PDE4B: variants seen among roughly 807,000 people sequenced by gnomAD.
The protein encoded by PDE4B is phosphodiesterase 4B.
Under a neutral mutation model 82.2 loss-of-function variants are expected in PDE4B, and 20 were observed. The observed-to-expected ratio is 0.24, with a 90% CI of 0.17 to 0.35. The LOEUF is 0.35. Among genes scored for constraint, PDE4B ranks in the 10% least tolerant of loss-of-function variants. The probability of loss-of-function intolerance (pLI) is 1.00; values close to 1 mark genes in which losing one functional copy is unlikely to be tolerated. For synonymous variants in PDE4B, 320 were observed against 318.9 expected (o/e 1.00, Z -0.04); for missense variants, 655 against 907.2 (o/e 0.72, Z 3.57).
chr1:66,228,444 G>C (rs931621495), intron 3 of PDE4B, among the ~76,000 whole-genome samples: 21 of 152,070 alleles, frequency 1.4e-4, no homozygotes, highest in Non-Finnish European at 2.9e-4. Flanking sequence ...CTAACACAGT[G>C]AAACCCCATC....
intron 3 of PDE4B, among the ~76,000 whole-genome samples, chr1:66,151,791 C>A (rs1158823052): frequency 6.6e-6 from 1 of 152,168 alleles, no homozygotes; most frequent in African/African-American, 2.4e-5. Context: ...TCCGATCTTC[C>A]AGAGTGCCTG....
Position 65,918,705 on chromosome 1 carries a change from C to T in PDE4B, c.151C>T (p.Gln51Ter), listed in dbSNP as rs1000537151. 1.9e-6 allele frequency: 3 copies of T among 1,612,450 alleles called. No individual in the cohort carries two copies. Among genetic ancestry groups the T allele is most frequent in the South Asian group, 1.1e-5 (1 of 91,052 alleles). Residue 51 changes from glutamine to a stop codon, truncating the protein, a stop_gained, in exon 3 of 17, where the codon CAG becomes TAG. Transcript: ENST00000341517. LOFTEE classifies it high-confidence loss of function. ...RGRRCCSGNLQLPPLSQRQSE... is the reference protein window; with the variant it reads ...RGRRCCSGNL ...GAGAAGGTGTTGCTCAGGAAACTTA[C>T]AGTTACCACCACTGTCTCAAAGACA...
chr1:66,211,847 A>G (rs1650076661), intron 3 of PDE4B, among the ~76,000 whole-genome samples: 1 of 152,214 alleles, frequency 6.6e-6, no homozygotes, highest in South Asian at 2.1e-4. Context: ...AGGTTACCCG[A>G]TAAGCCTTCA....
chr1:66,272,337 A>G (rs1478731609), intron 7 of PDE4B, among the ~76,000 whole-genome samples: 7 of 152,170 alleles, frequency 4.6e-5, no homozygotes, highest in African/African-American at 9.7e-5. Flanking sequence ...GATTTCTTCA[A>G]ATCTGGTTGT....
In PDE4B at chr1:65,961,914, T is replaced by A. The variant is rs369219027; in HGVS notation, c.281+43079T>A. Reference sequence around the variant, plus strand: ...TACATACGCAGTAAATAACAAACAGTTAAGTGCGGCTGAAGAGTCTGTAGC... The same window carrying A: ...TACATACGCAGTAAATAACAAACAGATAAGTGCGGCTGAAGAGTCTGTAGC... On this transcript the variant is annotated intron_variant, in intron 3 of 16. Transcript: ENST00000341517. Among the ~76,000 whole-genome samples the A allele has an allele frequency of 5.3e-5, 8 of 152,268 alleles. No homozygotes were observed. The East Asian group carries it at 1.5e-3, about 29-fold the overall frequency.
intron 1 of PDE4B, among the ~76,000 whole-genome samples, chr1:65,796,147 T>C (rs989731338): frequency 1.3e-5 from 2 of 152,236 alleles, no homozygotes; most frequent in African/African-American, 4.8e-5. Flanking sequence ...TTCAAGAATA[T>C]TTTCTATATC....
intron 1 of PDE4B, among the ~76,000 whole-genome samples, chr1:65,802,609 A>G (rs1645706310): frequency 1.3e-5 from 2 of 152,194 alleles, no homozygotes; most frequent in Non-Finnish European, 2.9e-5. Flanking sequence ...GAAAAAAGGG[A>G]AAATAGATAT....
At chr1:65,896,235 G>A (rs1646909467) in intron 1 of PDE4B, among the ~76,000 whole-genome samples, 1 of 152,108 alleles carries the variant, frequency 6.6e-6, no homozygotes, top group African/African-American at 2.4e-5. Context: ...CAATCATGAT[G>A]GAATGCAAAT....
At chr1:66,203,322 T>C (rs1289588558) in intron 3 of PDE4B, among the ~76,000 whole-genome samples, 1 of 152,128 alleles carries the variant, frequency 6.6e-6, no homozygotes, top group Non-Finnish European at 1.5e-5. Flanking sequence ...GACAATTATA[T>C]GTCTTGGAGT....
intron 3 of PDE4B, among the ~76,000 whole-genome samples, chr1:65,978,572 G>A (rs1650530967): frequency 6.6e-6 from 1 of 151,968 alleles, no homozygotes; most frequent in Admixed American, 6.6e-5. Context: ...GGTTTAATTT[G>A]TTTCCCCAAG....
At chr1:65,912,607 C>G (rs1341911640) in intron 1 of PDE4B, among the ~76,000 whole-genome samples, 39 of 152,198 alleles carry the variant, frequency 2.6e-4, no homozygotes, top group Admixed American at 2.6e-3. Flanking sequence ...CAAGCTCTAA[C>G]TACCGGTTGC....
At chr1:66,350,910 G>A (rs1661771931) in intron 8 of PDE4B, among the ~76,000 whole-genome samples, 1 of 152,110 alleles carries the variant, frequency 6.6e-6, no homozygotes, top group African/African-American at 2.4e-5. Flanking sequence ...AAGTGTAATT[G>A]AATTTTAGCT....
At chr1:65,939,240 A>C (rs192096238) in intron 3 of PDE4B, among the ~76,000 whole-genome samples, 1 of 152,268 alleles carries the variant, frequency 6.6e-6, no homozygotes, top group Admixed American at 6.5e-5. Context: ...CCCAGAAAAT[A>C]GACTACTTTT....
chr1:65,886,721 T>C (rs540091911), intron 1 of PDE4B, among the ~76,000 whole-genome samples: 22 of 152,322 alleles, frequency 1.4e-4, no homozygotes, highest in African/African-American at 4.3e-4. Flanking sequence ...ATTTCATTTT[T>C]ATGGCTCAGT....
intron 16 of PDE4B, among the ~76,000 whole-genome samples, chr1:66,371,112 A>ATG (rs2050756300): frequency 7.5e-6 from 1 of 133,144 alleles, no homozygotes; most frequent in African/African-American, 2.8e-5. Flanking sequence ...ATATATATAT[A>ATG]TATATATATA....
At chr1:66,325,901 T>C (rs1659718572) in intron 7 of PDE4B, among the ~76,000 whole-genome samples, 1 of 152,196 alleles carries the variant, frequency 6.6e-6, no homozygotes, top group African/African-American at 2.4e-5. Flanking sequence ...TTAAACTATC[T>C]TCCTGTTTTA....
chr1:65,992,710 G>C (rs1651312119), intron 3 of PDE4B: 3 of 1,330,914 alleles, frequency 2.3e-6, no homozygotes, highest in African/African-American at 3.0e-5. Flanking sequence ...GCCTGATAAA[G>C]CTCCTTGTGA....
At chr1:66,041,149 G>T (rs1424532393) in intron 3 of PDE4B, among the ~76,000 whole-genome samples, 2 of 151,812 alleles carry the variant, frequency 1.3e-5, no homozygotes, top group African/African-American at 4.8e-5. Context: ...TTATTTATTG[G>T]GCAAACATGC....
chr1:65,808,411 TCTC>T (rs1003945496), intron 1 of PDE4B, among the ~76,000 whole-genome samples: 3 of 152,026 alleles, frequency 2.0e-5, no homozygotes, highest in South Asian at 2.1e-4. Flanking sequence ...CTCAAGCAAT[TCTC>T]CTGCCTCAGC....
Sources: allele counts gnomAD v4.1 joint callset (sites outside exome capture counted in the v4.1 genomes callset), GRCh38; gene constraint gnomAD v4.1.1; transcripts MANE v1.5; gene names NCBI Gene and HGNC (gene_info 2026-07-23, HGNC 2026-07-21).